The following FAM13C variants were observed in gnomAD, a reference collection of about 807,000 sequenced individuals.
The protein encoded by FAM13C is protein FAM13C.
Under a neutral mutation model 73.2 loss-of-function variants are expected in FAM13C, and 37 were observed. That is an observed-to-expected ratio of 0.51 (90% CI 0.39 to 0.67). The LOEUF is 0.67. Among genes scored for constraint, FAM13C ranks in the 30% least tolerant of loss-of-function variants. The probability of loss-of-function intolerance (pLI) is 0.00; values close to 1 mark genes in which losing one functional copy is unlikely to be tolerated. For synonymous variants in FAM13C, 246 were observed against 260.9 expected, an observed-to-expected ratio of 0.94 and a Z score of 0.55; for missense variants, 589 against 715.6, an observed-to-expected ratio of 0.82 and a Z score of 2.02.
intron 6 of FAM13C, among the ~76,000 whole-genome samples, chr10:59,274,710 G>A (rs1489500234): frequency 6.6e-6 from 1 of 152,164 alleles, no homozygotes; most frequent in Admixed American, 6.5e-5. Flanking sequence ...ATTATTTAAT[G>A]TCTCTCAATC....
chr10:59,329,355 T>G (rs1275019265), intron 3 of FAM13C, among the ~76,000 whole-genome samples: 47 of 40,668 alleles, frequency 1.2e-3, no homozygotes, highest in African/African-American at 6.1e-3. Flanking sequence ...TTTTTTTTTT[T>G]TTTTTTTTTT....
intron 3 of FAM13C, among the ~76,000 whole-genome samples, chr10:59,343,362 C>T (rs1410862975): frequency 1.3e-5 from 2 of 152,036 alleles, no homozygotes; most frequent in Non-Finnish European, 2.9e-5. Flanking sequence ...TCTCTTAGTC[C>T]TTCACATTAA....
chr10:59,265,916 A>C (rs189571481), intron 8 of FAM13C, among the ~76,000 whole-genome samples: 1 of 152,292 alleles, frequency 6.6e-6, no homozygotes, highest in East Asian at 1.9e-4. Flanking sequence ...TCTGATTCAA[A>C]AGACCCCAAA....
chr10:59,287,374 G>A (rs1204359371), intron 5 of FAM13C, among the ~76,000 whole-genome samples: 1 of 142,886 alleles, frequency 7.0e-6, no homozygotes, highest in Non-Finnish European at 1.5e-5. Flanking sequence ...AAAGTTAAAT[G>A]GTAAATTTTA....
At chr10:59,262,252 A>G (rs1314205057) in intron 10 of FAM13C, among the ~76,000 whole-genome samples, 182 bp downstream of exon 10, 1 of 151,490 alleles carries the variant, frequency 6.6e-6, no homozygotes, top group Non-Finnish European at 1.5e-5. Flanking sequence ...ATGGTGGCAT[A>G]GCCTGGCATC....
intron 8 of FAM13C, among the ~76,000 whole-genome samples, chr10:59,266,667 CTATGTT>C (rs2133518858): frequency 6.6e-6 from 1 of 152,246 alleles, no homozygotes; most frequent in African/African-American, 2.4e-5. Context: ...GTATTTAAGT[CTATGTT>C]TGTGTGTGTG....
chr10:59,362,153 C>G (rs1241475173), intron 1 of FAM13C, among the ~76,000 whole-genome samples: 1 of 152,116 alleles, frequency 6.6e-6, no homozygotes, highest in Non-Finnish European at 1.5e-5. Flanking sequence ...TATCTTGGAG[C>G]ACTGAGCTCC....
chr10:59,262,577 C>T lies in FAM13C; in HGVS notation c.1093G>A (p.Glu365Lys). ...TTTTCTCTGGGGACTGTGGGTTGCT[C>T]ACACAACAGGTTTCTAGGTGGACCT... ...PKGPPRNLLC[E>K]QPTVPRENGK... The change falls in exon 10 of 14, where the codon GAG becomes AAG. Residue 365 changes from glutamate (E) to lysine (K), a missense_variant. Physicochemically the swap from Glu to Lys is moderately conservative, Grantham distance 56. Coordinates refer to ENST00000618804, the MANE Select transcript of FAM13C (RefSeq NM_198215.4). The T allele has an allele frequency of 6.8e-6, 11 of 1,613,776 alleles. No homozygotes were observed. The highest frequency in any genetic ancestry group is 8.5e-6 in the Non-Finnish European group (10 of 1,179,776).
intron 3 of FAM13C, among the ~76,000 whole-genome samples, chr10:59,344,922 G>C (rs1485668819): frequency 6.7e-6 from 1 of 149,906 alleles, no homozygotes; most frequent in African/African-American, 2.5e-5. Flanking sequence ...TAGGACAAAG[G>C]TGCCCCATGG....
intron 2 of FAM13C, among the ~76,000 whole-genome samples, chr10:59,355,341 C>T (rs113885106): frequency 3.9e-5 from 6 of 152,148 alleles, no homozygotes; most frequent in African/African-American, 1.4e-4. Flanking sequence ...CTAAATTCTG[C>T]CTCATAGTGC....
chr10:59,302,954 C>T (rs1847771907), intron 4 of FAM13C, 90 bp from the exon 5 acceptor site: 4 of 1,183,348 alleles, frequency 3.4e-6, no homozygotes, highest in Non-Finnish European at 3.7e-6. Context: ...CTGGCTGTAC[C>T]CCTGATAAAA....
chr10:59,293,705 A>G (rs2133799488), intron 5 of FAM13C, among the ~76,000 whole-genome samples: 1 of 152,310 alleles, frequency 6.6e-6, no homozygotes, highest in South Asian at 2.1e-4. Flanking sequence ...ATAGGTGCCA[A>G]GGCTAGGAAG....
chr10:59,297,240 T>A (rs1486491092), intron 5 of FAM13C: 2 of 152,208 alleles, frequency 1.3e-5, no homozygotes, highest in South Asian at 4.1e-4. Flanking sequence ...CTTTTTCAGA[T>A]GTTTTAGGTT....
At chr10:59,347,016 A>G (rs975798511) in intron 3 of FAM13C, among the ~76,000 whole-genome samples, 1 of 152,268 alleles carries the variant, frequency 6.6e-6, no homozygotes, top group East Asian at 1.9e-4. Flanking sequence ...CCTAAAACCT[A>G]TCTTTCCAGG....
intron 8 of FAM13C, 87 bp downstream of exon 8, chr10:59,268,465 AG>A: frequency 6.4e-7 from 1 of 1,551,534 alleles, no homozygotes; most frequent in Non-Finnish European, 8.7e-7. Flanking sequence ...CTGGCAAAGA[AG>A]GGCACCCAGA....
chr10:59,261,263 A>G (rs1842475705), intron 10 of FAM13C, among the ~76,000 whole-genome samples: 1 of 152,114 alleles, frequency 6.6e-6, no homozygotes, highest in Non-Finnish European at 1.5e-5. Flanking sequence ...TCCTCACAAC[A>G]TGTATTTGTT....
chr10:59,336,242 C>T (rs1213336303), intron 3 of FAM13C, among the ~76,000 whole-genome samples: 1 of 152,212 alleles, frequency 6.6e-6, no homozygotes, highest in Non-Finnish European at 1.5e-5. Context: ...ATGACACTGA[C>T]CCTAATATTA....
intron 5 of FAM13C, among the ~76,000 whole-genome samples, chr10:59,296,735 G>C (rs1846965934): frequency 6.6e-6 from 1 of 152,168 alleles, no homozygotes; most frequent in Admixed American, 6.5e-5. Context: ...ACCACAGTCA[G>C]AATATAACAC....
intron 4 of FAM13C, among the ~76,000 whole-genome samples, chr10:59,304,785 G>GA (rs1848017299): frequency 1.0e-5 from 1 of 96,786 alleles, no homozygotes; most frequent in Non-Finnish European, 2.2e-5. Context: ...GAAGGGAAGG[G>GA]AAGGGAAGGG....
Sources: gnomAD v4.1 joint callset for allele counts (sites outside exome capture counted in the v4.1 genomes callset) on GRCh38, gnomAD v4.1.1 for gene constraint, MANE v1.5 for transcripts, NCBI Gene and HGNC (gene_info 2026-07-23, HGNC 2026-07-21) for gene names.